The following DRC8 variants were observed in gnomAD, a reference collection of about 807,000 sequenced individuals.
The protein encoded by DRC8 is dynein regulatory complex subunit 8.
chr1:244,973,016 A>G, the DRC8 span, among the ~76,000 whole-genome samples: 1 of 152,162 alleles, frequency 6.6e-6, no homozygotes, highest in Non-Finnish European at 1.5e-5. Context: ...GTCTATTACT[A>G]TATTTGATTG....
chr1:245,107,620 G>A, the DRC8 span, among the ~76,000 whole-genome samples: 1 of 152,170 alleles, frequency 6.6e-6, no homozygotes, highest in South Asian at 2.1e-4. Flanking sequence ...GCTGTCTGAC[G>A]CAGCCTCCCA....
the DRC8 span, among the ~76,000 whole-genome samples, chr1:245,098,845 C>T: frequency 0.02 from 3,009 of 152,282 alleles, 118 homozygotes; most frequent in African/African-American, 0.068. Flanking sequence ...CAGAACTGAA[C>T]GGAGTTCGAT....
At chr1:245,017,951 G>C in the DRC8 span, among the ~76,000 whole-genome samples, 3 of 152,268 alleles carry the variant, frequency 2.0e-5, no homozygotes, top group East Asian at 3.9e-4. Context: ...ATGAAGCCAG[G>C]CGTGGTGGCT....
chr1:245,045,779 ACTGGTTGTG>A, the DRC8 span, among the ~76,000 whole-genome samples: 1 of 77,474 alleles, frequency 1.3e-5, no homozygotes, highest in Admixed American at 1.2e-4. Context: ...CATCGGTCTG[ACTGGTTGTG>A]GACAGCAACC....
the DRC8 span, among the ~76,000 whole-genome samples, chr1:245,112,183 T>A: frequency 6.6e-6 from 1 of 152,256 alleles, no homozygotes; most frequent in African/African-American, 2.4e-5. Flanking sequence ...CAAGCGATGC[T>A]CCTGCCTCAG....
the DRC8 span, among the ~76,000 whole-genome samples, chr1:245,101,136 C>T: frequency 5.9e-5 from 9 of 152,294 alleles, no homozygotes; most frequent in Non-Finnish European, 1.0e-4. Context: ...CCACCTGCCT[C>T]GGCCTCCCAA....
At chr1:245,057,864 C>T in the DRC8 span, among the ~76,000 whole-genome samples, 1 of 152,118 alleles carries the variant, frequency 6.6e-6, no homozygotes, top group African/African-American at 2.4e-5. Flanking sequence ...TCCTACTGTA[C>T]TATCAAATAC....
the DRC8 span, among the ~76,000 whole-genome samples, chr1:245,034,600 CAAAAAAAAAAAA>C: frequency 1.5e-4 from 6 of 39,498 alleles, no homozygotes; most frequent in African/African-American, 5.6e-4. Context: ...GACTCCATCT[CAAAAAAAAAAAA>C]AAAAAAAAAA....
chr1:245,098,068 T>C, the DRC8 span, among the ~76,000 whole-genome samples: 1 of 151,974 alleles, frequency 6.6e-6, no homozygotes, highest in Admixed American at 6.5e-5. Flanking sequence ...GAGATAATGG[T>C]GGATAGTGAA....
At chr1:245,117,829 T>G in the DRC8 span, among the ~76,000 whole-genome samples, 3 of 151,852 alleles carry the variant, frequency 2.0e-5, no homozygotes, top group African/African-American at 7.3e-5. Context: ...ATTAGCTGAG[T>G]GTGGTGGTGT....
At chr1:244,985,725 A>T in the DRC8 span, among the ~76,000 whole-genome samples, 1 of 151,506 alleles carries the variant, frequency 6.6e-6, no homozygotes, top group African/African-American at 2.4e-5. Context: ...TTAGCCAGGC[A>T]TGGTGGCACA....
chr1:245,078,250 C>T, the DRC8 span, among the ~76,000 whole-genome samples: 1 of 152,104 alleles, frequency 6.6e-6, no homozygotes, highest in East Asian at 1.9e-4. Context: ...TTGGCACAGC[C>T]ACTACGGAAA....
the DRC8 span, among the ~76,000 whole-genome samples, chr1:244,981,487 C>A: frequency 6.6e-6 from 1 of 152,206 alleles, no homozygotes; most frequent in East Asian, 1.9e-4. Flanking sequence ...TCCTTTAATC[C>A]TTACAATAAA....
chr1:245,104,647 G>A, the DRC8 span, among the ~76,000 whole-genome samples: 1 of 151,952 alleles, frequency 6.6e-6, no homozygotes, highest in Non-Finnish European at 1.5e-5. Context: ...ACCCCTGCTC[G>A]TTATTTCAAA....
At chr1:245,117,763 G>T in the DRC8 span, among the ~76,000 whole-genome samples, 2 of 152,182 alleles carry the variant, frequency 1.3e-5, no homozygotes, top group African/African-American at 4.8e-5. Flanking sequence ...GAGGCCAGGA[G>T]TTCAAGACCA....
chr1:245,041,977 T>C, the DRC8 span, among the ~76,000 whole-genome samples: 1,237 of 152,300 alleles, frequency 8.1e-3, 22 homozygotes, highest in African/African-American at 0.028. Context: ...CAGTCTATGG[T>C]AATTTGTTAT....
At chr1:245,047,027 T>A in the DRC8 span, among the ~76,000 whole-genome samples, 1 of 152,186 alleles carries the variant, frequency 6.6e-6, no homozygotes, top group Non-Finnish European at 1.5e-5. Flanking sequence ...AACGAGTCCA[T>A]CTGAAAAGCC....
the DRC8 span, chr1:245,082,173 A>C: frequency 6.2e-7 from 1 of 1,604,138 alleles, no homozygotes; most frequent in South Asian, 1.1e-5. Flanking sequence ...GTAAGTAAGT[A>C]AATGCAATTG....
the DRC8 span, among the ~76,000 whole-genome samples, chr1:245,105,548 A>G: frequency 3.6e-3 from 525 of 147,390 alleles, 3 homozygotes; most frequent in African/African-American, 0.012. Flanking sequence ...ACCTGAGCCC[A>G]GGACATGGCG....
Sources: gnomAD v4.1 joint callset for allele counts (sites outside exome capture counted in the v4.1 genomes callset) on GRCh38, gnomAD v4.1.1 for gene constraint, MANE v1.5 for transcripts, NCBI Gene and HGNC (gene_info 2026-07-23, HGNC 2026-07-21) for gene names.